Variants in PCDHGA3 observed in about 807,000 individuals in gnomAD.
PCDHGA3 encodes the protein protocadherin gamma subfamily A, 3.
In PCDHGA3, 40 loss-of-function variants were observed where a neutral mutation model predicts 58.5. The ratio of observed to expected loss-of-function variants is 0.68; its 90% CI spans 0.53 to 0.89. PCDHGA3 has a LOEUF of 0.89. Ranked by LOEUF, PCDHGA3 falls within the 40% of genes least tolerant of loss-of-function variation. The pLI is 0.00. For synonymous variants in PCDHGA3, 530 were observed against 525.7 expected, an observed-to-expected ratio of 1.01 and a Z score of -0.11; for missense variants, 1,223 against 1,195.9, an observed-to-expected ratio of 1.02 and a Z score of -0.33.
At chr5:141,356,798 C>T (rs760196769) in intron 1 of PCDHGA3, 2 of 1,613,916 alleles carry the variant, frequency 1.2e-6, no homozygotes, top group Non-Finnish European at 8.5e-7. Context: ...CTGCTGATGA[C>T]AGCCAGTGAC....
At chr5:141,437,887 G>A (rs1289693561) in intron 1 of PCDHGA3, among the ~76,000 whole-genome samples, 12 of 151,946 alleles carry the variant, frequency 7.9e-5, no homozygotes, top group Admixed American at 3.3e-4. Flanking sequence ...ACAGGCACAC[G>A]CCACCACACC....
intron 1 of PCDHGA3, chr5:141,366,697 G>T (rs1220924698): frequency 1.2e-6 from 2 of 1,614,132 alleles, no homozygotes; most frequent in African/African-American, 2.7e-5. Flanking sequence ...AGAAAAGCGA[G>T]CCTCTTCTGA....
chr5:141,471,124 A>C (rs2099250596), intron 1 of PCDHGA3, among the ~76,000 whole-genome samples: 1 of 141,916 alleles, frequency 7.0e-6, no homozygotes, highest in East Asian at 2.1e-4. Flanking sequence ...TCTTACCTTC[A>C]CTGCAACCTC....
intron 1 of PCDHGA3, chr5:141,400,578 T>C: frequency 6.2e-7 from 1 of 1,610,934 alleles, no homozygotes; most frequent in Non-Finnish European, 8.5e-7. Context: ...TTTCTGTATT[T>C]ACATGAAACT....
At chr5:141,443,953 T>C (rs1373953428) in intron 1 of PCDHGA3, among the ~76,000 whole-genome samples, 1 of 152,142 alleles carries the variant, frequency 6.6e-6, no homozygotes, top group Non-Finnish European at 1.5e-5. Context: ...CTTATTGGTA[T>C]GTATTCTGTG....
intron 1 of PCDHGA3, chr5:141,388,978 CT>C (rs1389375857): frequency 6.2e-7 from 1 of 1,613,972 alleles, no homozygotes; most frequent in East Asian, 2.2e-5. Flanking sequence ...ACACATATTG[CT>C]TTGCTCAAAG....
At position 141,473,122 on chromosome 5, in the gene PCDHGA3, T is replaced by C. The variant is rs533113606; in HGVS notation, c.2425-21685T>C. On this transcript the variant is annotated intron_variant, in intron 1 of 3. Coordinates refer to ENST00000253812, the MANE Select transcript of PCDHGA3 (RefSeq NM_018916.4). ...TATTACCACACTTTACTTGGCTCTT[T>C]GGCAAACTATATTATCTCTTCAGAT... Among the ~76,000 whole-genome samples, 3 of 152,362 alleles carry C rather than the reference T, an allele frequency of 2.0e-5. No homozygotes were observed. In the East Asian group the frequency reaches 5.8e-4, roughly 29 times the overall value.
chr5:141,508,910 A>T (rs2099872999), intron 3 of PCDHGA3, among the ~76,000 whole-genome samples: 1 of 151,906 alleles, frequency 6.6e-6, no homozygotes, highest in Non-Finnish European at 1.5e-5. Context: ...GCGGTGGCGG[A>T]TCTGGCTTCC....
At chr5:141,371,932 TG>T (rs1268806943) in intron 1 of PCDHGA3, 1 of 1,612,998 alleles carries the variant, frequency 6.2e-7, no homozygotes, top group South Asian at 1.1e-5. Context: ...CGGAGCGGGG[TG>T]GTGTTCGCGC....
intron 1 of PCDHGA3, among the ~76,000 whole-genome samples, chr5:141,456,538 A>T (rs1010588747): frequency 7.2e-5 from 11 of 152,184 alleles, no homozygotes; most frequent in Admixed American, 3.3e-4. Context: ...TTAAAGAGGG[A>T]TTGTAGCCAC....
At chr5:141,398,700 C>T in intron 1 of PCDHGA3, 1 of 1,613,844 alleles carries the variant, frequency 6.2e-7, no homozygotes, top group Non-Finnish European at 8.5e-7. Context: ...GTAGTAAATA[C>T]CCGGAACTGG....
At chr5:141,408,302 C>G (rs1017556555) in intron 1 of PCDHGA3, 1 of 1,613,662 alleles carries the variant, frequency 6.2e-7, no homozygotes. Flanking sequence ...TGAGCCGATC[C>G]GCTACTCGAT....
Position 141,388,371 on chromosome 5 carries a change from G to C in PCDHGA3, c.2424+41914G>C, listed in dbSNP as rs757960562. ...AGGATCTGCCCATGATGCGGATATT[G>C]GTAGCAACACACTGCAGAATTACCA... On this transcript the variant is annotated intron_variant, in intron 1 of 3. Transcript: ENST00000253812. 3.8e-5 allele frequency: 61 copies of C among 1,613,854 alleles called. No homozygotes were observed. In the South Asian group the frequency reaches 6.1e-4, roughly 16 times the overall value.
At position 141,438,611 on chromosome 5, in the gene PCDHGA3, TATATATATATATATATATATATATACAC is replaced by T. The variant is rs1434670383; in HGVS notation, c.2425-56194_2425-56167del. On this transcript the variant is annotated intron_variant, in intron 1 of 3. Transcript: ENST00000253812. ...ACATACATATATATATATATATATA[TATATATATATATATATATATATATACAC>T]ACACACACACACATATATGTATATA... Among the ~76,000 whole-genome samples the T allele has an allele frequency of 2.7e-3, 107 of 39,370 alleles. 2 individuals are homozygous for T. Among genetic ancestry groups the T allele is most frequent in the Admixed American group, 0.019 (57 of 3,044 alleles). The allele number at this position is 39,370 out of a possible 152,430, so 25.8% of individuals were successfully genotyped here.
intron 1 of PCDHGA3, among the ~76,000 whole-genome samples, chr5:141,462,868 T>C (rs1232965498): frequency 6.6e-6 from 1 of 152,228 alleles, no homozygotes; most frequent in East Asian, 1.9e-4. Context: ...TTTGTCTTTC[T>C]TTAAGAACTA....
intron 1 of PCDHGA3, chr5:141,442,400 C>G (rs1478739190): frequency 6.6e-6 from 1 of 152,224 alleles, no homozygotes; most frequent in Admixed American, 6.5e-5. Context: ...TCCTACGAAT[C>G]CAGGGCTGAG....
chr5:141,365,093 A>G (rs528661266), intron 1 of PCDHGA3: 1 of 1,613,880 alleles, frequency 6.2e-7, no homozygotes, highest in African/African-American at 1.3e-5. Context: ...TCCAGAGAAC[A>G]TACCTGTGGG....
chr5:141,415,194 C>T (rs1252476580), intron 1 of PCDHGA3: 2 of 1,614,064 alleles, frequency 1.2e-6, no homozygotes, highest in Non-Finnish European at 1.7e-6. Context: ...ACAGCATCCC[C>T]CAAGTCCTGG....
chr5:141,484,866 C>A (rs1474623432), intron 1 of PCDHGA3: 9 of 275,500 alleles, frequency 3.3e-5, no homozygotes, highest in Non-Finnish European at 5.5e-5. Context: ...GGTGGGGGAG[C>A]GTGGAGGATA....
Sources: gnomAD v4.1 joint callset for allele counts (sites outside exome capture counted in the v4.1 genomes callset) on GRCh38, gnomAD v4.1.1 for gene constraint, MANE v1.5 for transcripts, NCBI Gene and HGNC (gene_info 2026-07-23, HGNC 2026-07-21) for gene names.